The following WDFY4 variants were observed in gnomAD, a reference collection of about 807,000 sequenced individuals.
WDFY4 encodes the protein WDFY family member 4.
In WDFY4, 169 loss-of-function variants were observed where a neutral mutation model predicts 351.9. That is an observed-to-expected ratio of 0.48 (90% CI 0.42 to 0.55). The LOEUF is 0.55. WDFY4 is among the 20% of genes least tolerant of loss of function. WDFY4 has a pLI of 0.00. For synonymous variants in WDFY4, 1,622 were observed against 1,574.6 expected (o/e 1.03, Z -0.71); for missense variants, 3,803 against 3,935.6 (o/e 0.97, Z 0.90).
At chr10:48,894,773 C>T (rs1025179290) in intron 44 of WDFY4, among the ~76,000 whole-genome samples, 2 of 152,136 alleles carry the variant, frequency 1.3e-5, no homozygotes, top group Non-Finnish European at 2.9e-5. Context: ...GATGGGAGCA[C>T]AGAGGAGTGG....
chr10:48,777,106 T>C, intron 16 of WDFY4, 122 bp downstream of exon 16: 1 of 1,268,386 alleles, frequency 7.9e-7, no homozygotes, highest in Non-Finnish European at 1.1e-6. Flanking sequence ...CAGAGGAAAA[T>C]GTCTGGGTCA....
At chr10:48,849,118 A>G (rs1234582856) in intron 39 of WDFY4, among the ~76,000 whole-genome samples, 1 of 152,230 alleles carries the variant, frequency 6.6e-6, no homozygotes. Flanking sequence ...TGGAGTTGAC[A>G]TTAAAATCAA....
intron 39 of WDFY4, among the ~76,000 whole-genome samples, chr10:48,863,270 A>G (rs2069408961): frequency 6.6e-6 from 1 of 152,200 alleles, no homozygotes; most frequent in South Asian, 2.1e-4. Context: ...TAACTTTCAG[A>G]ATGTTTTCCA....
In WDFY4 at chr10:48,963,848, G is replaced by A; in HGVS notation, c.8230G>A (p.Glu2744Lys). ...CTTTGGGTTTTTGTTCCAGGCCCTG[G>A]AAAGTGACTTTGTCAGTGCCAACCT... The part of the protein sequence containing the change: ...KFISLHRKAL[E>K]SDFVSANLHH... The change falls in exon 54 of 62, where the codon GAA (glutamate) becomes AAA (lysine). Residue 2744 changes from glutamate (E) to lysine (K), a missense_variant. Physicochemically the swap from Glu to Lys is moderately conservative, Grantham distance 56 (BLOSUM62 1). Transcript: ENST00000325239. 6.4e-7 allele frequency: 1 copy of A among 1,551,568 alleles called. No individual in the cohort carries two copies. Among genetic ancestry groups the A allele is most frequent in the Non-Finnish European group, 8.7e-7 (1 of 1,147,002 alleles).
chr10:48,943,365 C>T lies in WDFY4; in HGVS notation c.7665C>T (p.Tyr2555=). 2 of 1,551,778 alleles carry T rather than the reference C, an allele frequency of 1.3e-6. No homozygotes were observed. Residue 2555 remains tyrosine, a synonymous_variant, in exon 49 of 62, where the codon TAC becomes TAT. Coordinates refer to ENST00000325239, the MANE Select transcript of WDFY4 (RefSeq NM_001394531.1). ...RDISNFEYLM[Y]LNTAAGRTCN... The stretch of plus-strand genomic sequence containing the variant: ...TCAGCAATTTTGAGTATCTCATGTA[C>T]CTCAACACCGCGGCTGGGAGAACCT...
Position 48,982,641 on chromosome 10 carries a change from G to T in WDFY4, c.*66G>T, listed in dbSNP as rs763619919. 3.4e-6 allele frequency: 5 copies of T among 1,491,992 alleles called. No homozygotes were observed. In the Admixed American group the frequency reaches 7.9e-5, roughly 24 times the overall value. The allele number at this position is 1,491,992 out of a possible 1,614,324, so 92.4% of individuals were successfully genotyped here. A position where few individuals can be genotyped will look rare whatever the true frequency, so the allele number is the denominator to read the frequency against. ...GCTGAGGGTGGCAGAGGTGACTGGG[G>T]CCTGAGCTCTGCCTACAGAAGAAAC... On this transcript the variant is annotated 3_prime_UTR_variant, in exon 62 of 62. Transcript: ENST00000325239.
chr10:48,796,935 T>A (rs1051205436), intron 24 of WDFY4, among the ~76,000 whole-genome samples: 1 of 152,132 alleles, frequency 6.6e-6, no homozygotes, highest in African/African-American at 2.4e-5. Flanking sequence ...AACCCATTCA[T>A]GAAGCATCAT....
chr10:48,903,473 T>C (rs1837463097), intron 47 of WDFY4, among the ~76,000 whole-genome samples: 1 of 152,200 alleles, frequency 6.6e-6, no homozygotes, highest in African/African-American at 2.4e-5. Context: ...GATGGTGGCT[T>C]GGATCAGGAA....
In WDFY4 at chr10:48,704,711, C is replaced by T. The variant is rs531079185; in HGVS notation, c.-17-5005C>T. 1.6e-4 allele frequency among the ~76,000 whole-genome samples: 24 copies of T among 152,322 alleles called. 1 individual carries two copies. The South Asian group carries it at 5.0e-3, about 32-fold the overall frequency. ...GGTGTGCTGGGCAGCAAAGCCTGGG[C>T]TGTCCACAGACCTGGGGGCTTCTGC... On this transcript the variant is annotated intron_variant, in intron 1 of 61. Transcript: ENST00000325239.
In WDFY4 at chr10:48,727,589, G is replaced by C. The variant is rs764549050; in HGVS notation, c.901G>C (p.Val301Leu). ...GGGATTCGTGAAGGACTCCTACCCC[G>C]TCTCCTCGGCTCTGTTCCTGGAGTT... The part of the protein sequence containing the change: ...ILGFVKDSYP[V>L]SSALFLEFEN... Residue 301 changes from valine (V) to leucine (L), a missense_variant, in exon 7 of 62, where the codon GTC (valine) becomes CTC (leucine). Physicochemically the swap from Val to Leu is conservative, Grantham distance 32. Coordinates refer to ENST00000325239, the MANE Select transcript of WDFY4 (RefSeq NM_001394531.1). The C allele has an allele frequency of 3.2e-6, 5 of 1,551,962 alleles. No homozygotes were observed. Among genetic ancestry groups the C allele is most frequent in the Non-Finnish European group, 3.5e-6 (4 of 1,147,048 alleles).
intron 35 of WDFY4, 132 bp downstream of exon 35, chr10:48,822,669 G>A: frequency 3.4e-6 from 4 of 1,190,270 alleles, no homozygotes; most frequent in East Asian, 2.8e-5. Flanking sequence ...GGAAGCAGGA[G>A]GCCCTTTAGT....
At chr10:48,829,391 T>C (rs1024485491) in intron 37 of WDFY4, among the ~76,000 whole-genome samples, 2 of 152,220 alleles carry the variant, frequency 1.3e-5, no homozygotes, top group Admixed American at 6.5e-5. Flanking sequence ...GATTTACTAA[T>C]CTCAAATCAA....
chr10:48,877,851 T>C (rs2070090047), intron 43 of WDFY4, among the ~76,000 whole-genome samples: 1 of 152,214 alleles, frequency 6.6e-6, no homozygotes, highest in Non-Finnish European at 1.5e-5. Flanking sequence ...CCTCTTGGCC[T>C]GGCTGGGGAG....
At chr10:48,727,745 A>C in intron 7 of WDFY4, 86 bp downstream of exon 7, 7 of 1,469,034 alleles carry the variant, frequency 4.8e-6, no homozygotes, top group Non-Finnish European at 6.4e-6. Context: ...GCAGAAAAAT[A>C]GATATAGCTC....
At chr10:48,783,013 C>T (rs1235676565) in intron 19 of WDFY4, among the ~76,000 whole-genome samples, 5 of 152,184 alleles carry the variant, frequency 3.3e-5, no homozygotes, top group African/African-American at 1.2e-4. Context: ...AATCATACTC[C>T]TGGCAAGCCT....
intron 47 of WDFY4, among the ~76,000 whole-genome samples, chr10:48,922,546 ATTG>A (rs1298480299): frequency 6.6e-6 from 1 of 152,218 alleles, no homozygotes; most frequent in Non-Finnish European, 1.5e-5. Flanking sequence ...TTTATGATGA[ATTG>A]TTGTTCATCT....
At chr10:48,754,977 C>T (rs1030118722) in intron 12 of WDFY4, among the ~76,000 whole-genome samples, 2 of 152,052 alleles carry the variant, frequency 1.3e-5, no homozygotes, top group African/African-American at 2.4e-5. Flanking sequence ...TTTTGGCCTA[C>T]AGTTCTATGG....
intron 24 of WDFY4, among the ~76,000 whole-genome samples, chr10:48,797,116 C>T (rs941583996): frequency 6.6e-6 from 1 of 152,174 alleles, no homozygotes; most frequent in Non-Finnish European, 1.5e-5. Flanking sequence ...TGGGAGTGAG[C>T]AGGCAGTCAG....
chr10:48,947,823 TAGCAC>T (rs1841125723), intron 51 of WDFY4, among the ~76,000 whole-genome samples: 1 of 152,108 alleles, frequency 6.6e-6, no homozygotes, highest in Admixed American at 6.6e-5. Flanking sequence ...AAAGAGAATA[TAGCAC>T]AGGGAGTATG....
Sources: gnomAD v4.1 joint callset for allele counts (sites outside exome capture counted in the v4.1 genomes callset) on GRCh38, gnomAD v4.1.1 for gene constraint, MANE v1.5 for transcripts, NCBI Gene and HGNC (gene_info 2026-07-23, HGNC 2026-07-21) for gene names.